The following TCERG1L variants were observed in gnomAD, a reference collection of about 807,000 sequenced individuals.
TCERG1L encodes transcription elongation regulator 1-like protein.
In TCERG1L, 37 loss-of-function variants were observed where a neutral mutation model predicts 56.3. That is an observed-to-expected ratio of 0.66 (90% confidence interval 0.51 to 0.87). TCERG1L has a LOEUF of 0.87. Among genes scored for constraint, TCERG1L ranks in the 40% least tolerant of loss-of-function variants. TCERG1L has a pLI of 0.00. For missense variants in TCERG1L, 799 were observed against 774.2 expected, an observed-to-expected ratio of 1.03 and a Z score of -0.38; for synonymous variants, 324 against 326.3, an observed-to-expected ratio of 0.99 and a Z score of 0.08.
intron 4 of TCERG1L, among the ~76,000 whole-genome samples, chr10:131,172,654 T>A (rs1846106772): frequency 2.0e-5 from 3 of 152,224 alleles, no homozygotes; most frequent in Admixed American, 2.0e-4. Context: ...ACGCGAGCCT[T>A]GCTTGGTTGG....
intron 4 of TCERG1L, among the ~76,000 whole-genome samples, chr10:131,257,140 G>A (rs949416212): frequency 3.3e-5 from 5 of 152,150 alleles, no homozygotes; most frequent in African/African-American, 7.2e-5. Flanking sequence ...AGAAGGGAGC[G>A]CTGTCCCTGG....
At chr10:131,141,454 T>C (rs1177523555) in intron 7 of TCERG1L, among the ~76,000 whole-genome samples, 1 of 152,160 alleles carries the variant, frequency 6.6e-6, no homozygotes, top group Non-Finnish European at 1.5e-5. Flanking sequence ...TGTTGCTTGC[T>C]TCTCTTCCCC....
chr10:131,266,393 T>A (rs1412979860), intron 3 of TCERG1L, among the ~76,000 whole-genome samples: 4 of 152,210 alleles, frequency 2.6e-5, no homozygotes, highest in African/African-American at 9.6e-5. Context: ...GCAGAATGGA[T>A]GTTGTGTTAG....
intron 4 of TCERG1L, among the ~76,000 whole-genome samples, chr10:131,230,767 G>A (rs914246062): frequency 4.6e-5 from 7 of 152,198 alleles, no homozygotes; most frequent in Non-Finnish European, 1.0e-4. Flanking sequence ...CAGCCTGGGA[G>A]AGTCTCTGGC....
intron 3 of TCERG1L, among the ~76,000 whole-genome samples, chr10:131,276,490 C>T (rs975961055): frequency 5.3e-5 from 8 of 152,184 alleles, no homozygotes; most frequent in African/African-American, 9.7e-5. Context: ...TCAACACACA[C>T]GCAATTTACA....
In TCERG1L at chr10:131,166,863, T is replaced by G. The variant is rs148988947; in HGVS notation, c.879A>C (p.Arg293=). The part of the protein sequence containing the change: ...PVSDTRTERG[R]VARPPALMLR... The stretch of plus-strand genomic sequence containing the variant: ...GCATCAGGGCAGGAGGGCGGGCCAC[T>G]CGGCCCCGCTCTGTCCTTGTATCTG... The change falls in exon 5 of 12, where the codon CGA becomes CGC. Residue 293 remains arginine, a synonymous_variant. Transcript: ENST00000368642. 40 of 1,612,932 alleles carry G rather than the reference T, an allele frequency of 2.5e-5. No individual in the cohort carries two copies. The East Asian group carries it at 8.9e-4, about 36-fold the overall frequency.
chr10:131,124,583 T>C (rs1218252635), intron 8 of TCERG1L, among the ~76,000 whole-genome samples: 1 of 152,244 alleles, frequency 6.6e-6, no homozygotes, highest in African/African-American at 2.4e-5. Context: ...TTTTCAGCTC[T>C]ACGCCATGCA....
At chr10:131,221,970 T>C (rs1845738055) in intron 4 of TCERG1L, among the ~76,000 whole-genome samples, 1 of 152,218 alleles carries the variant, frequency 6.6e-6, no homozygotes, top group South Asian at 2.1e-4. Flanking sequence ...TTTTCGCTTG[T>C]TTACTGCGGT....
At chr10:131,154,195 G>A (rs531626065) in intron 6 of TCERG1L, among the ~76,000 whole-genome samples, 2 of 152,176 alleles carry the variant, frequency 1.3e-5, no homozygotes, top group South Asian at 4.1e-4. Context: ...CATTATTTAA[G>A]TCTGGTACAG....
In TCERG1L at chr10:131,192,568, C is replaced by CAT. The variant is rs138528299; in HGVS notation, c.857-25685_857-25684dup. Reference sequence around the variant, plus strand: ...ATTATATGAAAATGACACCTGCACACATGTTTATAACAGCACAATTCACAA... The same window carrying CAT: ...ATTATATGAAAATGACACCTGCACACATATGTTTATAACAGCACAATTCACAA... On this transcript the variant is annotated intron_variant, in intron 4 of 11. Transcript: ENST00000368642. Among the ~76,000 whole-genome samples, 1,275 of 144,556 alleles carry CAT rather than the reference C, an allele frequency of 8.8e-3. 147 individuals are homozygous for CAT. The South Asian group carries it at 0.1, about 12-fold the overall frequency. The allele number at this position is 144,556 out of a possible 152,430, so 94.8% of individuals were successfully genotyped here. A position where few individuals can be genotyped will look rare whatever the true frequency, so the allele number is the denominator to read the frequency against.
At chr10:131,294,240 C>G (rs767506009) in intron 3 of TCERG1L, among the ~76,000 whole-genome samples, 1 of 152,224 alleles carries the variant, frequency 6.6e-6, no homozygotes, top group East Asian at 1.9e-4. Flanking sequence ...TCCCTGCCCC[C>G]GAGCTAAATC....
rs189271467 is a variant in TCERG1L, at chr10:131,235,995, C to T, written c.856+24264G>A. ...TACAGTGCCTGTAATGCAAACAGTGCCCGCTACATGAGCAAATGCATGGAA... is the reference window on the plus strand; with the variant it reads ...TACAGTGCCTGTAATGCAAACAGTGTCCGCTACATGAGCAAATGCATGGAA... On this transcript the variant is annotated intron_variant, in intron 4 of 11. Coordinates refer to ENST00000368642, the MANE Select transcript of TCERG1L (RefSeq NM_174937.4). Among the ~76,000 whole-genome samples, 242 of 152,320 alleles carry T rather than the reference C, an allele frequency of 1.6e-3. 2 individuals are homozygous for T. Among genetic ancestry groups the T allele is most frequent in the African/African-American group, 4.6e-3 (190 of 41,574 alleles).
intron 6 of TCERG1L, chr10:131,162,238 TC>T (rs1340916977): frequency 6.6e-6 from 1 of 152,200 alleles, no homozygotes; most frequent in East Asian, 1.9e-4. Flanking sequence ...CAAAGAGGTC[TC>T]ACCCCGAGGC....
intron 4 of TCERG1L, among the ~76,000 whole-genome samples, chr10:131,185,448 C>G (rs1845225769): frequency 6.6e-6 from 1 of 151,982 alleles, no homozygotes; most frequent in Non-Finnish European, 1.5e-5. Flanking sequence ...AAAAAACAAC[C>G]TTCAGAATGG....
At chr10:131,248,225 ACT>A (rs1305589619) in intron 4 of TCERG1L, among the ~76,000 whole-genome samples, 9 of 147,120 alleles carry the variant, frequency 6.1e-5, no homozygotes, top group African/African-American at 7.9e-5. Context: ...CTCACACACA[ACT>A]CACACACACA....
At chr10:131,242,106 GA>G in intron 4 of TCERG1L, among the ~76,000 whole-genome samples, 1 of 152,206 alleles carries the variant, frequency 6.6e-6, no homozygotes, top group African/African-American at 2.4e-5. Context: ...CTTTTATTAG[GA>G]GGTTGTTTCT....
intron 9 of TCERG1L, among the ~76,000 whole-genome samples, chr10:131,111,232 A>G (rs1223494072): frequency 7.0e-6 from 1 of 142,546 alleles, no homozygotes; most frequent in African/African-American, 2.5e-5. Context: ...GCATCTGCAG[A>G]AACGTGTGTC....
At chr10:131,278,688 C>A (rs1489884482) in intron 3 of TCERG1L, among the ~76,000 whole-genome samples, 2 of 152,198 alleles carry the variant, frequency 1.3e-5, no homozygotes, top group Non-Finnish European at 2.9e-5. Context: ...CTCTTCCCTG[C>A]CGCGGAGTCA....
intron 9 of TCERG1L, among the ~76,000 whole-genome samples, chr10:131,105,268 T>C (rs1326172483): frequency 6.6e-6 from 1 of 152,204 alleles, no homozygotes; most frequent in Non-Finnish European, 1.5e-5. Flanking sequence ...GACATGACTC[T>C]TCACTGACAG....
Sources: gnomAD v4.1 joint callset for allele counts (sites outside exome capture counted in the v4.1 genomes callset) on GRCh38, gnomAD v4.1.1 for gene constraint, MANE v1.5 for transcripts, NCBI Gene and HGNC (gene_info 2026-07-23, HGNC 2026-07-21) for gene names.